The following SYCP2L variants were observed in gnomAD, a reference collection of about 807,000 sequenced individuals.
SYCP2L encodes synaptonemal complex protein 2-like.
Under a neutral mutation model 125.8 loss-of-function variants are expected in SYCP2L, and 98 were observed. The observed-to-expected ratio is 0.78, with a 90% CI of 0.66 to 0.92. SYCP2L has a LOEUF of 0.92. SYCP2L is among the 40% of genes least tolerant of loss of function. The pLI is 0.00. For synonymous variants in SYCP2L, 317 were observed against 325.4 expected (o/e 0.97, Z 0.28); for missense variants, 842 against 936.4 (o/e 0.90, Z 1.32).
In SYCP2L at chr6:10,903,375, T is replaced by C. The variant is rs764501012; in HGVS notation, c.641+412T>C. On this transcript the variant is annotated intron_variant, in intron 8 of 29. Coordinates refer to ENST00000283141, the MANE Select transcript of SYCP2L (RefSeq NM_001040274.3). Reference sequence around the variant, plus strand: ...CATCCTGGCTAACACAGTGAAACCCTGTCTCCACTAAAAATACAAAAAATT... The same window carrying C: ...CATCCTGGCTAACACAGTGAAACCCCGTCTCCACTAAAAATACAAAAAATT... 2.0e-4 allele frequency among the ~76,000 whole-genome samples: 31 copies of C among 152,170 alleles called. No individual in the cohort carries two copies. In the East Asian group the frequency reaches 2.5e-3, roughly 12 times the overall value.
chr6:10,923,566 A>G (rs1780838881), intron 14 of SYCP2L, among the ~76,000 whole-genome samples: 1 of 150,018 alleles, frequency 6.7e-6, no homozygotes, highest in Admixed American at 6.7e-5. Context: ...TTGTATTTTC[A>G]GTAGAGATAG....
chr6:10,942,895 T>C, intron 23 of SYCP2L, 149 bp downstream of exon 23: 1 of 715,608 alleles, frequency 1.4e-6, no homozygotes, highest in Non-Finnish European at 2.3e-6. Flanking sequence ...GTGAGCTGCT[T>C]ACTAGTTCTA....
intron 21 of SYCP2L, among the ~76,000 whole-genome samples, chr6:10,941,385 A>G (rs1781217296): frequency 6.6e-6 from 1 of 152,176 alleles, no homozygotes; most frequent in South Asian, 2.1e-4. Context: ...ATGGGAGAAA[A>G]TTTTTGCCAT....
chr6:10,930,490 A>T lies in SYCP2L; in HGVS notation c.1609A>T (p.Thr537Ser). 1 of 1,612,650 alleles carries T rather than the reference A, an allele frequency of 6.2e-7. No individual in the cohort carries two copies. Among genetic ancestry groups the T allele is most frequent in the Non-Finnish European group, 8.5e-7 (1 of 1,179,468 alleles). The change falls in exon 19 of 30, where the codon ACA (threonine) becomes TCA (serine). Residue 537 changes from threonine to serine, a missense_variant. Transcript: ENST00000283141. ...AAAATCATATTCCAGTAGAAAGAAG[A>T]CAAGAACCAGAAGTAATTTGAGAAG... ...SLKSYSSRKKTRTRSNLRILP... is the reference protein window; with the variant it reads ...SLKSYSSRKKSRTRSNLRILP...
At chr6:10,892,800 A>C (rs1227641646) in intron 2 of SYCP2L, among the ~76,000 whole-genome samples, 2 of 152,226 alleles carry the variant, frequency 1.3e-5, no homozygotes, top group African/African-American at 2.4e-5. Flanking sequence ...TAACTTAAAA[A>C]AGAAAACATT....
intron 14 of SYCP2L, among the ~76,000 whole-genome samples, chr6:10,923,431 G>T (rs1300069671): frequency 7.6e-6 from 1 of 131,428 alleles, no homozygotes; most frequent in Non-Finnish European, 1.5e-5. Flanking sequence ...TGTCACCCAG[G>T]CTGGAGTGCA....
intron 16 of SYCP2L, 90 bp from the exon 17 acceptor site, chr6:10,927,150 G>C: frequency 6.5e-7 from 1 of 1,541,780 alleles, no homozygotes; most frequent in Non-Finnish European, 8.7e-7. Context: ...AGGATGGAGA[G>C]GTACCAGAGG....
At chr6:10,942,363 T>G in intron 21 of SYCP2L, 96 bp from the exon 22 acceptor site, 2 of 802,982 alleles carry the variant, frequency 2.5e-6, no homozygotes, top group Non-Finnish European at 3.8e-6. Context: ...GTGTTCCTTT[T>G]TTTTGATGAT....
chr6:10,961,941 A>G lies in SYCP2L; in HGVS notation c.2414+383A>G, dbSNP rs144192741. Among the ~76,000 whole-genome samples, 690 of 152,224 alleles carry G rather than the reference A, an allele frequency of 4.5e-3. 3 individuals carry two copies. Among genetic ancestry groups the G allele is most frequent in the Non-Finnish European group, 7.1e-3 (480 of 67,990 alleles). On this transcript the variant is annotated intron_variant, in intron 28 of 29. Coordinates refer to ENST00000283141, the MANE Select transcript of SYCP2L (RefSeq NM_001040274.3). ...TTGTGCTTTTGATAGACTATATTCT[A>G]TTTTACTCATTTACACATTTTTTAA...
chr6:10,936,420 C>A (rs376842952), intron 21 of SYCP2L, among the ~76,000 whole-genome samples: 1 of 151,908 alleles, frequency 6.6e-6, no homozygotes, highest in Admixed American at 6.6e-5. Flanking sequence ...TTGCTTGAAC[C>A]GGGAGGCAGA....
At chr6:10,949,094 G>T (rs1490929179) in intron 23 of SYCP2L, among the ~76,000 whole-genome samples, 1 of 151,888 alleles carries the variant, frequency 6.6e-6, no homozygotes, top group African/African-American at 2.4e-5. Flanking sequence ...TGATATTTTG[G>T]TTTGTTACTC....
intron 9 of SYCP2L, among the ~76,000 whole-genome samples, chr6:10,906,650 T>A (rs188446164): frequency 5.7e-4 from 87 of 151,604 alleles, no homozygotes; most frequent in African/African-American, 1.9e-3. Context: ...CAGGCTGGAG[T>A]GCAATGGCGC....
At chr6:10,896,614 G>A (rs957956657) in intron 4 of SYCP2L, among the ~76,000 whole-genome samples, 1 of 152,198 alleles carries the variant, frequency 6.6e-6, no homozygotes, top group African/African-American at 2.4e-5. Flanking sequence ...GCTTCCTTCA[G>A]CAGGTGGATG....
chr6:10,913,924 C>T (rs1406263157), intron 14 of SYCP2L, among the ~76,000 whole-genome samples: 1 of 152,036 alleles, frequency 6.6e-6, no homozygotes. Context: ...CTCTGCCTCC[C>T]AGGTTCAAGC....
chr6:10,951,786 C>G (rs1781414894), intron 23 of SYCP2L, among the ~76,000 whole-genome samples: 1 of 152,104 alleles, frequency 6.6e-6, no homozygotes, highest in Non-Finnish European at 1.5e-5. Context: ...AGCAAGGTTT[C>G]AAAAAATGCC....
At chr6:10,951,569 T>C (rs1581841452) in intron 23 of SYCP2L, among the ~76,000 whole-genome samples, 1 of 152,216 alleles carries the variant, frequency 6.6e-6, no homozygotes, top group South Asian at 2.1e-4. Context: ...ACAAAAGATA[T>C]TTAGTAGTTC....
chr6:10,961,198 G>A (rs1037638080), intron 26 of SYCP2L, 107 bp from the exon 27 acceptor site: 1 of 846,462 alleles, frequency 1.2e-6, no homozygotes, highest in Admixed American at 2.3e-5. Flanking sequence ...GACAAGAAAT[G>A]TCTGGAGAAG....
At chr6:10,949,033 G>A (rs964254349) in intron 23 of SYCP2L, among the ~76,000 whole-genome samples, 30 of 151,998 alleles carry the variant, frequency 2.0e-4, no homozygotes, top group Non-Finnish European at 2.9e-5. Flanking sequence ...TTGTATCTTT[G>A]ACTCTTGATA....
chr6:10,895,489 A>AG (rs1268425996), intron 4 of SYCP2L, among the ~76,000 whole-genome samples: 6 of 152,112 alleles, frequency 3.9e-5, no homozygotes, highest in Non-Finnish European at 8.8e-5. Context: ...GTGGAGAGGA[A>AG]GGGGAAGGGG....
Sources: gnomAD v4.1 joint callset for allele counts (sites outside exome capture counted in the v4.1 genomes callset) on GRCh38, gnomAD v4.1.1 for gene constraint, MANE v1.5 for transcripts, NCBI Gene and HGNC (gene_info 2026-07-23, HGNC 2026-07-21) for gene names.